The following MTA3 variants were observed in gnomAD, a reference collection of about 807,000 sequenced individuals.
MTA3 encodes the protein metastasis associated 1 family member 3, also known as metastasis-associated protein MTA3.
A neutral mutation model predicts 83.5 loss-of-function variants in MTA3; 34 were observed. The ratio of observed to expected loss-of-function variants is 0.41; its 90% CI spans 0.31 to 0.54. MTA3 has a LOEUF of 0.54. Ranked by LOEUF, MTA3 falls within the 20% of genes least tolerant of loss-of-function variation. MTA3 has a pLI of 0.33. For synonymous variants in MTA3, 303 were observed against 252.7 expected (o/e 1.20, Z -1.89); for missense variants, 761 against 726.4 (o/e 1.05, Z -0.55).
intron 14 of MTA3, among the ~76,000 whole-genome samples, chr2:42,711,491 T>C (rs1277945573): frequency 6.6e-6 from 1 of 152,240 alleles, no homozygotes; most frequent in Non-Finnish European, 1.5e-5. Flanking sequence ...GTATTTAGCT[T>C]CACTGGTCAT....
At chr2:42,606,488 C>A (rs547361801) in intron 3 of MTA3, among the ~76,000 whole-genome samples, 1 of 149,996 alleles carries the variant, frequency 6.7e-6, no homozygotes, top group African/African-American at 2.5e-5. Context: ...GATGTGCGGC[C>A]GGGCAGAGAC....
intron 14 of MTA3, among the ~76,000 whole-genome samples, chr2:42,715,618 C>G (rs1031423462): frequency 4.6e-5 from 7 of 152,076 alleles, no homozygotes; most frequent in African/African-American, 1.7e-4. Flanking sequence ...CAGAGGTACT[C>G]TGTAATGCAA....
intron 4 of MTA3, among the ~76,000 whole-genome samples, chr2:42,637,850 T>G (rs990392997): frequency 5.9e-5 from 9 of 152,176 alleles, no homozygotes; most frequent in African/African-American, 1.9e-4. Context: ...TTTAAAATCT[T>G]TTATTTCAGA....
At chr2:42,572,288 T>A (rs1678578895) in intron 2 of MTA3, among the ~76,000 whole-genome samples, 1 of 150,972 alleles carries the variant, frequency 6.6e-6, no homozygotes, top group Non-Finnish European at 1.5e-5. Flanking sequence ...AAAAAAAAAT[T>A]CTGGACTAGG....
intron 4 of MTA3, among the ~76,000 whole-genome samples, chr2:42,620,338 C>A (rs544746507): frequency 6.6e-6 from 1 of 152,152 alleles, no homozygotes; most frequent in Non-Finnish European, 1.5e-5. Flanking sequence ...AGGCTGATAT[C>A]AAACTCCTGG....
At chr2:42,666,941 G>A (rs1419480458) in intron 8 of MTA3, among the ~76,000 whole-genome samples, 3 of 152,152 alleles carry the variant, frequency 2.0e-5, no homozygotes, top group Non-Finnish European at 4.4e-5. Flanking sequence ...TTTATAGAGA[G>A]CGTCTCATCA....
At chr2:42,620,637 T>G (rs1685430693) in intron 4 of MTA3, among the ~76,000 whole-genome samples, 1 of 152,184 alleles carries the variant, frequency 6.6e-6, no homozygotes, top group Non-Finnish European at 1.5e-5. Flanking sequence ...GGACCACAGG[T>G]GCACGGTACC....
chr2:42,709,369 G>A lies in MTA3; in HGVS notation c.1525+273G>A, dbSNP rs184385447. 158 of 1,175,102 alleles carry A rather than the reference G, an allele frequency of 1.3e-4. 1 individual carries two copies. The African/African-American group carries it at 2.1e-3, about 16-fold the overall frequency. The allele number at this position is 1,175,102 out of a possible 1,614,324, so 72.8% of individuals were successfully genotyped here. ...TTGGTGGGAGGTGATCCTATTCCATGGGGTTTTGTGATGGAATTGCCTGCA... is the reference window on the plus strand; with the variant it reads ...TTGGTGGGAGGTGATCCTATTCCATAGGGTTTTGTGATGGAATTGCCTGCA... On this transcript the variant is annotated intron_variant, in intron 14 of 16. Transcript: ENST00000405094.
chr2:42,570,357 G>A (rs925371758), intron 1 of MTA3, 80 bp from the exon 2 acceptor site: 1 of 786,152 alleles, frequency 1.3e-6, no homozygotes, highest in Non-Finnish European at 2.0e-6. Flanking sequence ...AACGTGAAAT[G>A]CCTAACATAA....
chr2:42,543,446 G>T (rs1676612181), intron 2 of MTA3, among the ~76,000 whole-genome samples: 1 of 151,792 alleles, frequency 6.6e-6, no homozygotes, highest in Non-Finnish European at 1.5e-5. Flanking sequence ...AAAGTGGTGG[G>T]TTTACAGGCG....
Position 42,685,919 on chromosome 2 carries a change from A to G in MTA3, c.891+3330A>G, listed in dbSNP as rs113312402. On this transcript the variant is annotated intron_variant, in intron 9 of 16. Coordinates refer to ENST00000405094, the MANE Select transcript of MTA3 (RefSeq NM_001330442.2). Reference sequence around the variant, plus strand: ...TAAAATGCAAATAATGTTATTTCCTATAATGCCATCACAGGTACATGATGT... The same window carrying G: ...TAAAATGCAAATAATGTTATTTCCTGTAATGCCATCACAGGTACATGATGT... 9.2e-5 allele frequency among the ~76,000 whole-genome samples: 14 copies of G among 152,378 alleles called. 1 individual carries two copies. Among genetic ancestry groups the G allele is most frequent in the African/African-American group, 3.4e-4 (14 of 41,588 alleles).
At chr2:42,705,208 G>C (rs1158382945) in intron 12 of MTA3, among the ~76,000 whole-genome samples, 1 of 152,202 alleles carries the variant, frequency 6.6e-6, no homozygotes, top group African/African-American at 2.4e-5. Flanking sequence ...GGTACATGGG[G>C]ATGTGTTTAA....
In MTA3 at chr2:42,601,876, G is replaced by C. The variant is rs117040162; in HGVS notation, c.191-7582G>C. 4.5e-3 allele frequency among the ~76,000 whole-genome samples: 686 copies of C among 152,190 alleles called. 16 individuals are homozygous for C. Among genetic ancestry groups the C allele is most frequent in the East Asian group, 0.045 (232 of 5,176 alleles). ...GTCTGATCCCATGGAGTCTTGCTCT[G>C]TTGTCCAGGTTGGAGTGCAGTGGGA... On this transcript the variant is annotated intron_variant, in intron 3 of 16. Coordinates refer to ENST00000405094, the MANE Select transcript of MTA3 (RefSeq NM_001330442.2).
chr2:42,561,231 C>G (rs1415364463), intron 2 of MTA3, among the ~76,000 whole-genome samples: 1 of 152,132 alleles, frequency 6.6e-6, no homozygotes, highest in African/African-American at 2.4e-5. Flanking sequence ...AAAGGCCTTC[C>G]CTTACCACCA....
At chr2:42,682,770 G>A (rs925597130) in intron 9 of MTA3, 181 bp downstream of exon 9, 1 of 616,162 alleles carries the variant, frequency 1.6e-6, no homozygotes, top group Non-Finnish European at 2.8e-6. Flanking sequence ...AGGAGTAGTT[G>A]TAGTAAGACC....
At chr2:42,723,931 C>A (rs1419501138) in intron 16 of MTA3, among the ~76,000 whole-genome samples, 1 of 152,156 alleles carries the variant, frequency 6.6e-6, no homozygotes, top group East Asian at 1.9e-4. Context: ...ATAATAATGT[C>A]AAAAATGTGT....
intron 3 of MTA3, among the ~76,000 whole-genome samples, chr2:42,587,572 G>A (rs1032535042): frequency 6.6e-5 from 10 of 151,008 alleles, no homozygotes; most frequent in South Asian, 2.1e-4. Context: ...TTTTTCTCTC[G>A]ATTTTCCCTT....
intron 9 of MTA3, among the ~76,000 whole-genome samples, chr2:42,683,750 T>C (rs756606314): frequency 6.6e-6 from 1 of 152,096 alleles, no homozygotes; most frequent in Non-Finnish European, 1.5e-5. Context: ...CTAATGCCGC[T>C]GCTGATCTGA....
At position 42,531,416 on chromosome 2, in the gene MTA3, A is replaced by AT. The variant is rs200535525; in HGVS notation, c.-141+36169dup. Among the ~76,000 whole-genome samples, 538 of 85,086 alleles carry AT rather than the reference A, an allele frequency of 6.3e-3. 7 individuals are homozygous for AT. The highest frequency in any genetic ancestry group is 0.022 in the African/African-American group (504 of 23,040). The allele number at this position is 85,086 out of a possible 152,430, so 55.8% of individuals were successfully genotyped here. A position where few individuals can be genotyped will look rare whatever the true frequency, so the allele number is the denominator to read the frequency against. On this transcript the variant is annotated intron_variant, in intron 2 of 17. Transcript: ENST00000405592. ...AAAGAGTGGATGCTTTAAACAATCT[A>AT]TTTTTTTAGTAGGATTCAGAAGCAA...
Sources: allele counts gnomAD v4.1 joint callset (sites outside exome capture counted in the v4.1 genomes callset), GRCh38; gene constraint gnomAD v4.1.1; transcripts MANE v1.5; gene names NCBI Gene and HGNC (gene_info 2026-07-23, HGNC 2026-07-21).